ARHGAP6: variants seen among roughly 807,000 people sequenced by gnomAD.
ARHGAP6 encodes rho GTPase-activating protein 6.
In ARHGAP6, 16 loss-of-function variants were observed where a neutral mutation model predicts 55.7. The observed-to-expected ratio is 0.29, with a 90% CI of 0.19 to 0.44. The LOEUF is 0.44. ARHGAP6 is among the 20% of genes least tolerant of loss of function. The pLI is 1.00. For synonymous variants in ARHGAP6, 382 were observed against 360.9 expected, an observed-to-expected ratio of 1.06 and a Z score of -0.66; for missense variants, 698 against 808.9, an observed-to-expected ratio of 0.86 and a Z score of 1.66.
intron 2 of ARHGAP6, among the ~76,000 whole-genome samples, chrX:11,233,834 A>T (rs1053940122): frequency 8.9e-6 from 1 of 112,431 alleles, no homozygotes; most frequent in Non-Finnish European, 1.9e-5. Context: ...AATCTTAAAA[A>T]GCCTATAAAG....
At chrX:11,251,832 G>A (rs983213115) in intron 2 of ARHGAP6, among the ~76,000 whole-genome samples, 1 of 111,602 alleles carries the variant, frequency 9.0e-6, no homozygotes, top group African/African-American at 3.3e-5. Context: ...CACATTCCAA[G>A]GATCTCAGTA....
chrX:11,365,578 T>C (rs2049065464), intron 1 of ARHGAP6, among the ~76,000 whole-genome samples: 1 of 112,807 alleles, frequency 8.9e-6, no homozygotes, highest in Admixed American at 9.4e-5. Context: ...TGATGTGTTA[T>C]TGTCATGTAG....
chrX:11,193,520 T>C (rs182150172), intron 3 of ARHGAP6, among the ~76,000 whole-genome samples: 256 of 113,062 alleles, frequency 2.3e-3, no homozygotes, highest in Middle Eastern at 9.1e-3. Flanking sequence ...GCCATGTAAT[T>C]AACCTTCACT....
intron 1 of ARHGAP6, among the ~76,000 whole-genome samples, chrX:11,623,628 C>T (rs1490116267): frequency 9.8e-6 from 1 of 101,708 alleles, no homozygotes; most frequent in African/African-American, 3.7e-5. Context: ...ACCCGGGAGG[C>T]GGAGCTTGCA....
chrX:11,181,758 G>T (rs1162543284), intron 6 of ARHGAP6, among the ~76,000 whole-genome samples: 1 of 111,846 alleles, frequency 8.9e-6, no homozygotes, highest in East Asian at 2.8e-4. Context: ...ATCATTTATT[G>T]ATCAGTCACT....
chrX:11,550,920 C>G (rs1474564927), intron 1 of ARHGAP6, among the ~76,000 whole-genome samples: 1 of 111,586 alleles, frequency 9.0e-6, no homozygotes, highest in African/African-American at 3.3e-5. Context: ...GTCAAAAGGA[C>G]TAGTTAGGAT....
chrX:11,174,622 CTTTTCTTTCTTTCTTTCTTTCTTT>C (rs2046164507), intron 8 of ARHGAP6, among the ~76,000 whole-genome samples: 3 of 50,768 alleles, frequency 5.9e-5, no homozygotes, highest in East Asian at 1.1e-3. Flanking sequence ...CTTTCTCTTT[CTTTTCTTTCTTTCTTTCTTTCTTT>C]CTTTCTTTCT....
chrX:11,170,607 G>A (rs768654761), intron 8 of ARHGAP6, among the ~76,000 whole-genome samples: 6 of 111,793 alleles, frequency 5.4e-5, no homozygotes, highest in Admixed American at 9.5e-5. Context: ...GACTACCTGG[G>A]ACATACCACA....
intron 1 of ARHGAP6, chrX:11,300,556 A>G (rs1488546731): frequency 2.8e-6 from 3 of 1,069,465 alleles, no homozygotes; most frequent in Admixed American, 4.4e-5. Context: ...AATGGTACTC[A>G]CTAGGAACAT....
intron 1 of ARHGAP6, among the ~76,000 whole-genome samples, chrX:11,528,876 T>G (rs1396915616): frequency 8.9e-6 from 1 of 111,954 alleles, no homozygotes; most frequent in East Asian, 2.8e-4. Context: ...TGTACCCATG[T>G]GTAAGCTTAA....
chrX:11,646,942 A>G (rs1214668283), intron 1 of ARHGAP6, among the ~76,000 whole-genome samples: 2 of 112,337 alleles, frequency 1.8e-5, no homozygotes, highest in African/African-American at 6.5e-5. Context: ...ATATTTAATT[A>G]GTGAATATCA....
In ARHGAP6 at chrX:11,312,433, G is replaced by C. The variant is rs1039342119; in HGVS notation, c.589-57726C>G. Among the ~76,000 whole-genome samples the C allele has an allele frequency of 3.6e-5, 4 of 111,652 alleles. No homozygotes were observed. The Admixed American group carries it at 3.8e-4, about 11-fold the overall frequency. Reference sequence around the variant, plus strand: ...GTGGTAAATCCCATTGCAAAGTTCAGGACTCTCAAATACTATCTCCAAACC... The same window carrying C: ...GTGGTAAATCCCATTGCAAAGTTCACGACTCTCAAATACTATCTCCAAACC... On this transcript the variant is annotated intron_variant, in intron 1 of 12. Transcript: ENST00000337414.
At chrX:11,406,563 A>G (rs762903814) in intron 1 of ARHGAP6, among the ~76,000 whole-genome samples, 1 of 111,280 alleles carries the variant, frequency 9.0e-6, no homozygotes, top group East Asian at 2.8e-4. Context: ...AGTTAAACAG[A>G]TTATGGTACA....
chrX:11,444,762 A>G (rs760576541), intron 1 of ARHGAP6, among the ~76,000 whole-genome samples: 1 of 106,119 alleles, frequency 9.4e-6, no homozygotes, highest in Admixed American at 1.1e-4. Flanking sequence ...AGACTTTTGC[A>G]TACTTATTTT....
intron 1 of ARHGAP6, among the ~76,000 whole-genome samples, chrX:11,299,539 G>C: frequency 1.8e-5 from 2 of 112,179 alleles, no homozygotes. Flanking sequence ...CTGTACTGGG[G>C]TTCTATAGAT....
Position 11,427,532 on chromosome X carries a change from G to A in ARHGAP6, c.589-172825C>T, listed in dbSNP as rs1053680758. On this transcript the variant is annotated intron_variant, in intron 1 of 12. Transcript: ENST00000337414. ...GTGGCGCCCCCTGTGTCCTCTGCAC[G>A]CGTCAGGACACTCACCGCGTAGTGC... is the stretch of plus-strand genomic sequence containing the variant. 23 of 935,880 alleles carry A rather than the reference G, an allele frequency of 2.5e-5. No individual in the cohort carries two copies. In the East Asian group the frequency reaches 7.1e-4, roughly 29 times the overall value. 77.1% of individuals were successfully genotyped at this position (935,880 alleles called of 1,213,427 possible). A position where few individuals can be genotyped will look rare whatever the true frequency, so the allele number is the denominator to read the frequency against.
intron 1 of ARHGAP6, among the ~76,000 whole-genome samples, chrX:11,456,073 C>T (rs1004886337): frequency 1.4e-4 from 16 of 111,656 alleles, no homozygotes; most frequent in Non-Finnish European, 2.6e-4. Context: ...AAACTTTCAG[C>T]CAGCAGTTGT....
chrX:11,355,906 C>G (rs1483243141), intron 1 of ARHGAP6, among the ~76,000 whole-genome samples: 4 of 110,907 alleles, frequency 3.6e-5, no homozygotes, highest in African/African-American at 1.3e-4. Flanking sequence ...TGAATTCATA[C>G]TAATTAATTA....
At chrX:11,647,976 G>A (rs1004520386) in intron 1 of ARHGAP6, among the ~76,000 whole-genome samples, 9 of 112,180 alleles carry the variant, frequency 8.0e-5, no homozygotes, top group Non-Finnish European at 3.8e-5. Flanking sequence ...ATCAGGTCCT[G>A]AAGCAGGAAA....
Sources: allele counts gnomAD v4.1 joint callset (sites outside exome capture counted in the v4.1 genomes callset), GRCh38; gene constraint gnomAD v4.1.1; transcripts MANE v1.5; gene names NCBI Gene and HGNC (gene_info 2026-07-23, HGNC 2026-07-21).